Variants in ABCA4 observed in about 807,000 individuals in gnomAD.
The protein encoded by ABCA4 is ATP binding cassette subfamily A member 4.
ABCA4 carries 196 observed loss-of-function variants against 263.7 expected under a neutral mutation model. The ratio of observed to expected loss-of-function variants is 0.74; its 90% confidence interval spans 0.66 to 0.84. The LOEUF is 0.84. Ranked by LOEUF, ABCA4 falls within the 40% of genes least tolerant of loss-of-function variation. The pLI is 0.00. For missense variants in ABCA4, 2,792 were observed against 2,855.1 expected, an observed-to-expected ratio of 0.98 and a Z score of 0.50; for synonymous variants, 1,133 against 1,094.2, an observed-to-expected ratio of 1.04 and a Z score of -0.70.
intron 42 of ABCA4, 117 bp downstream of exon 42, chr1:94,008,118 T>G: frequency 1.1e-6 from 1 of 923,830 alleles, no homozygotes; most frequent in Non-Finnish European, 1.8e-6. Context: ...AAATTACATA[T>G]GTGACTTGCA....
Position 94,079,467 on chromosome 1 carries a change from A to G in ABCA4, c.1100-6T>C. 1 of 1,614,216 alleles carries G rather than the reference A, an allele frequency of 6.2e-7. No individual in the cohort carries two copies. The highest frequency in any genetic ancestry group is 8.5e-7 in the Non-Finnish European group (1 of 1,180,008). Reference sequence around the variant, plus strand: ...CAATGCATTACAAAAGGATGCTGCCAGGAGACAAGGGACAGATTTTACAGA... The same window carrying G: ...CAATGCATTACAAAAGGATGCTGCCGGGAGACAAGGGACAGATTTTACAGA... On this transcript the variant is annotated splice_region_variant and splice_polypyrimidine_tract_variant and intron_variant, in intron 8 of 49. Transcript: ENST00000370225.
chr1:94,071,583 T>C lies in ABCA4; in HGVS notation c.1554+6107A>G, dbSNP rs1402863098. 3.3e-5 allele frequency among the ~76,000 whole-genome samples: 5 copies of C among 152,244 alleles called. No homozygotes were observed. In the East Asian group the frequency reaches 5.8e-4, roughly 18 times the overall value. ...ACCTCTTTGAGTCTGTTTTTAATTC[T>C]ATAAAATGACAATTATGCTTACTAG... On this transcript the variant is annotated intron_variant, in intron 11 of 49. Transcript: ENST00000370225.
chr1:94,112,955 C>A lies in ABCA4; in HGVS notation c.160+18G>T. The A allele has an allele frequency of 6.2e-7, 1 of 1,604,558 alleles. No individual in the cohort carries two copies. Among genetic ancestry groups the A allele is most frequent in the Non-Finnish European group, 8.5e-7 (1 of 1,171,264 alleles). On this transcript the variant is annotated intron_variant, in intron 2 of 49. Coordinates refer to ENST00000370225, the MANE Select transcript of ABCA4 (RefSeq NM_000350.3). ...AAAGTCTCTTCAGGGCTTGCCCAAG[C>A]TACCCTGCTATGCTTACATTCATGA...
At chr1:94,026,328 C>T (rs1179610529) in intron 30 of ABCA4, among the ~76,000 whole-genome samples, 4 of 152,192 alleles carry the variant, frequency 2.6e-5, no homozygotes, top group South Asian at 2.1e-4. Flanking sequence ...CCCTGTGTGT[C>T]GGGCACTATG....
At chr1:94,088,925 C>A (rs1195922850) in intron 6 of ABCA4, among the ~76,000 whole-genome samples, 1 of 152,242 alleles carries the variant, frequency 6.6e-6, no homozygotes. Flanking sequence ...CACAAGCTCC[C>A]ATCAGTTTTG....
intron 1 of ABCA4, among the ~76,000 whole-genome samples, chr1:94,114,082 C>T (rs780195185): frequency 6.6e-6 from 1 of 152,214 alleles, no homozygotes. Flanking sequence ...CGGGGAATAG[C>T]AAGTTTAATA....
At chr1:94,030,563 G>A in intron 28 of ABCA4, 37 bp from the exon 29 acceptor site, 4 of 1,590,132 alleles carry the variant, frequency 2.5e-6, no homozygotes, top group Non-Finnish European at 3.5e-6. Context: ...GACAGAGCAG[G>A]CGCGTGCCAA....
chr1:94,058,956 GT>G (rs1661049282), intron 14 of ABCA4, among the ~76,000 whole-genome samples: 1 of 152,186 alleles, frequency 6.6e-6, no homozygotes, highest in Non-Finnish European at 1.5e-5. Context: ...GGAAAACCCT[GT>G]TTTGGTATGG....
chr1:94,006,252 G>C (rs910386359), intron 43 of ABCA4, among the ~76,000 whole-genome samples: 1 of 151,216 alleles, frequency 6.6e-6, no homozygotes, highest in African/African-American at 2.4e-5. Flanking sequence ...GACCATTACA[G>C]TTCCCCACAA....
At chr1:94,085,307 T>C (rs1661801386) in intron 6 of ABCA4, among the ~76,000 whole-genome samples, 2 of 152,234 alleles carry the variant, frequency 1.3e-5, no homozygotes, top group African/African-American at 2.4e-5. Flanking sequence ...AGCTGGGTGA[T>C]AGATCCATGG....
At chr1:94,114,034 A>C (rs1382225511) in intron 1 of ABCA4, among the ~76,000 whole-genome samples, 1 of 152,218 alleles carries the variant, frequency 6.6e-6, no homozygotes, top group Non-Finnish European at 1.5e-5. Context: ...CTTAGGAAGG[A>C]AACACATAAG....
chr1:94,067,257 A>T lies in ABCA4; in HGVS notation c.1555-3940T>A, dbSNP rs116303881. 4.5e-3 allele frequency among the ~76,000 whole-genome samples: 679 copies of T among 152,368 alleles called. 6 individuals are homozygous for T. The highest frequency in any genetic ancestry group is 0.016 in the African/African-American group (652 of 41,590). ...CTAGTAAAAATAAATATATTTTAGTAATATGACTCTCAGAGATATCTGGCC... is the reference window on the plus strand; with the variant it reads ...CTAGTAAAAATAAATATATTTTAGTTATATGACTCTCAGAGATATCTGGCC... On this transcript the variant is annotated intron_variant, in intron 11 of 49. Coordinates refer to ENST00000370225, the MANE Select transcript of ABCA4 (RefSeq NM_000350.3).
At chr1:94,080,759 AGAG>A (rs1661675138) in intron 7 of ABCA4, 41 bp from the exon 8 acceptor site, 1 of 1,613,800 alleles carries the variant, frequency 6.2e-7, no homozygotes, top group East Asian at 2.2e-5. Context: ...TAAGGCAGCT[AGAG>A]TCATAATCTG....
chr1:94,101,377 C>A (rs949917446), intron 5 of ABCA4, among the ~76,000 whole-genome samples: 4 of 152,220 alleles, frequency 2.6e-5, no homozygotes, highest in African/African-American at 9.6e-5. Flanking sequence ...CTGGCCGGAG[C>A]CGCACCACCC....
intron 43 of ABCA4, among the ~76,000 whole-genome samples, chr1:94,007,305 T>C (rs113113545): frequency 7.1e-4 from 71 of 99,724 alleles, no homozygotes; most frequent in African/African-American, 2.9e-3. Flanking sequence ...AATGGTGCAT[T>C]TTTATAGGAA....
chr1:94,021,263 C>G lies in ABCA4; in HGVS notation c.4995G>C (p.Lys1665Asn). The change falls in exon 35 of 50, where the codon AAG (lysine) becomes AAC (asparagine). Residue 1665 changes from lysine to asparagine, a missense_variant. Coordinates refer to ENST00000370225, the MANE Select transcript of ABCA4 (RefSeq NM_000350.3). ...TVISQPLNLT[K>N]EQLSEITVLT... ...ACACTGTAATCTCTGAGAGCTGCTC[C>G]TTGGTCAGGTTCAGGGGTTGGCTAA... 5 of 1,614,212 alleles carry G rather than the reference C, an allele frequency of 3.1e-6. No homozygotes were observed. The highest frequency in any genetic ancestry group is 4.2e-6 in the Non-Finnish European group (5 of 1,180,038).
Position 94,040,365 on chromosome 1 carries a change from G to A in ABCA4, c.3523-238C>T, listed in dbSNP as rs180872332. Among the ~76,000 whole-genome samples, 181 of 152,248 alleles carry A rather than the reference G, an allele frequency of 1.2e-3. No homozygotes were observed. In the Middle Eastern group the frequency reaches 0.037, roughly 31 times the overall value. On this transcript the variant is annotated intron_variant, in intron 23 of 49. Coordinates refer to ENST00000370225, the MANE Select transcript of ABCA4 (RefSeq NM_000350.3). Reference sequence around the variant, plus strand: ...CACAGAGAGGAGCAGAACCTCCAAGGGTCCCTTTGGCTTGTCATCAATTAT... The same window carrying A: ...CACAGAGAGGAGCAGAACCTCCAAGAGTCCCTTTGGCTTGTCATCAATTAT...
Position 94,060,745 on chromosome 1 carries a change from A to G in ABCA4, c.1952T>C (p.Leu651Pro). 1 of 1,612,448 alleles carries G rather than the reference A, an allele frequency of 6.2e-7. No homozygotes were observed. The highest frequency in any genetic ancestry group is 2.2e-5 in the East Asian group (1 of 44,848). Residue 651 changes from leucine (L) to proline (P), a missense_variant, in exon 14 of 50, where the codon CTG becomes CCG. Transcript: ENST00000370225. ...CATGAAGATAGGGAAACAGCGGTTC[A>G]GGATGATCATGAAACTAAAGCAAAA... ...CFVDDSFMII[L>P]NRCFPIFMVL...
intron 32 of ABCA4, 97 bp from the exon 33 acceptor site, chr1:94,022,048 G>T (rs568025610): frequency 2.2e-5 from 22 of 1,002,592 alleles, no homozygotes; most frequent in Non-Finnish European, 3.3e-5. Context: ...ACTTTCGGGG[G>T]AATTGCCTGG....
Sources: gnomAD v4.1 joint callset for allele counts (sites outside exome capture counted in the v4.1 genomes callset) on GRCh38, gnomAD v4.1.1 for gene constraint, MANE v1.5 for transcripts, NCBI Gene and HGNC (gene_info 2026-07-23, HGNC 2026-07-21) for gene names.